Variants in SGCD observed in about 807,000 individuals in gnomAD.
SGCD encodes delta-sarcoglycan.
SGCD carries 18 observed loss-of-function variants against 36.6 expected under a neutral mutation model. The ratio of observed to expected loss-of-function variants is 0.49; its 90% CI spans 0.34 to 0.73. The LOEUF (loss-of-function observed/expected upper bound fraction) is 0.73, where lower values mean the gene tolerates loss of function less well. Among genes scored for constraint, SGCD ranks in the 30% least tolerant of loss-of-function variants. The pLI, the probability that SGCD is intolerant of heterozygous loss-of-function variation, is 0.01. For synonymous variants in SGCD, 133 were observed against 130.6 expected (o/e 1.02, Z -0.12); for missense variants, 387 against 346.7 (o/e 1.12, Z -0.92).
chr5:155,836,148 T>C, the SGCD span, among the ~76,000 whole-genome samples: 9 of 152,290 alleles, frequency 5.9e-5, no homozygotes, highest in Admixed American at 3.9e-4. Context: ...CTTATTTAAA[T>C]ACTGGGAATT....
At position 156,059,482 on chromosome 5, in the gene SGCD, G is replaced by C. The variant is rs1248133491; in HGVS notation, c.-281-58396G>C. Among the ~76,000 whole-genome samples, 4 of 146,532 alleles carry C rather than the reference G, an allele frequency of 2.7e-5. 1 individual carries two copies. The highest frequency in any genetic ancestry group is 4.6e-5 in the Non-Finnish European group (3 of 64,970). On this transcript the variant is annotated intron_variant, in intron 1 of 9. Transcript: ENST00000517913. ...AAATCCAAGATTGCAACACATATAA[G>C]ACTCTGTGAGGTTGGAGTGGCAGCT... is the stretch of plus-strand genomic sequence containing the variant.
chr5:155,883,166 A>G (rs244983), intron 1 of SGCD, among the ~76,000 whole-genome samples: 87,123 of 152,106 alleles, frequency 0.57, 27,584 homozygotes, highest in African/African-American at 0.85. Context: ...CTCTGGGTTA[A>G]GCTTTGGCTC....
At chr5:156,586,569 A>G (rs988570832) in intron 4 of SGCD, among the ~76,000 whole-genome samples, 2 of 152,072 alleles carry the variant, frequency 1.3e-5, no homozygotes, top group South Asian at 2.1e-4. Flanking sequence ...TGACTATTCA[A>G]CCTCATTTAT....
intron 1 of SGCD, among the ~76,000 whole-genome samples, chr5:156,090,383 C>A (rs1761210932): frequency 6.6e-6 from 1 of 152,130 alleles, no homozygotes; most frequent in Non-Finnish European, 1.5e-5. Flanking sequence ...GCTGGGCCTC[C>A]AGGGGTGCCA....
chr5:155,889,037 A>G (rs1324757817), intron 1 of SGCD, among the ~76,000 whole-genome samples: 1 of 152,204 alleles, frequency 6.6e-6, no homozygotes, highest in Non-Finnish European at 1.5e-5. Context: ...CACTGTATTT[A>G]TATATTTGTA....
At chr5:156,377,289 T>A (rs1379670786) in intron 3 of SGCD, among the ~76,000 whole-genome samples, 1 of 152,178 alleles carries the variant, frequency 6.6e-6, no homozygotes, top group Non-Finnish European at 1.5e-5. Flanking sequence ...TTAATATTGG[T>A]TGTTTACACT....
At chr5:156,239,399 C>CAAAA (rs34839655) in intron 3 of SGCD, among the ~76,000 whole-genome samples, 15,870 of 72,342 alleles carry the variant, frequency 0.22, 1,695 homozygotes, top group Non-Finnish European at 0.26. Context: ...GATTTCATCT[C>CAAAA]AAAAAAAAAA....
chr5:156,260,287 C>T (rs895927198), intron 3 of SGCD, among the ~76,000 whole-genome samples: 3 of 152,030 alleles, frequency 2.0e-5, no homozygotes, highest in African/African-American at 7.2e-5. Context: ...TCTTAAGTAG[C>T]CTTTAGAAAT....
At chr5:156,085,087 G>T (rs1761060203) in intron 1 of SGCD, among the ~76,000 whole-genome samples, 1 of 147,204 alleles carries the variant, frequency 6.8e-6, no homozygotes, top group African/African-American at 2.6e-5. Flanking sequence ...TATTGTTGGA[G>T]TTGGTTTACT....
At chr5:155,923,760 T>C (rs572227683) in intron 1 of SGCD, among the ~76,000 whole-genome samples, 2 of 152,368 alleles carry the variant, frequency 1.3e-5, no homozygotes, top group Admixed American at 1.3e-4. Context: ...TGCCTTTTAA[T>C]GAACATTTTG....
At chr5:156,685,208 C>T (rs1003352619) in intron 7 of SGCD, among the ~76,000 whole-genome samples, 7 of 151,918 alleles carry the variant, frequency 4.6e-5, no homozygotes, top group Non-Finnish European at 8.8e-5. Context: ...AGGGGAGATG[C>T]GTCGCAGGGT....
chr5:155,821,470 C>T, the SGCD span, among the ~76,000 whole-genome samples: 19 of 152,210 alleles, frequency 1.2e-4, no homozygotes, highest in Middle Eastern at 3.4e-3. Context: ...CCCACCACCA[C>T]GCCCGGCTAA....
intron 7 of SGCD, among the ~76,000 whole-genome samples, chr5:156,736,369 T>C (rs1756365248): frequency 2.0e-5 from 3 of 152,214 alleles, no homozygotes. Context: ...ACCCAAAGAT[T>C]TGGATACAAA....
At chr5:156,131,872 G>A (rs542231665) in intron 3 of SGCD, among the ~76,000 whole-genome samples, 22 of 152,100 alleles carry the variant, frequency 1.4e-4, no homozygotes, top group Non-Finnish European at 2.6e-4. Flanking sequence ...GAATTCCTCC[G>A]TGCACCTCCA....
chr5:155,771,140 C>A, the SGCD span, among the ~76,000 whole-genome samples: 1 of 152,152 alleles, frequency 6.6e-6, no homozygotes. Context: ...CCCAGAGAGT[C>A]TAAGTCCCTT....
intron 1 of SGCD, among the ~76,000 whole-genome samples, chr5:156,085,411 T>C (rs1265808322): frequency 6.6e-6 from 1 of 152,058 alleles, no homozygotes; most frequent in Non-Finnish European, 1.5e-5. Flanking sequence ...CTCTCCCCAC[T>C]CCCCTCTCCC....
intron 1 of SGCD, among the ~76,000 whole-genome samples, chr5:155,874,704 A>G (rs1755729926): frequency 6.6e-6 from 1 of 152,100 alleles, no homozygotes; most frequent in Admixed American, 6.6e-5. Context: ...TTAAACCACA[A>G]GGAGATACCA....
chr5:156,752,657 G>C (rs1206187579), intron 7 of SGCD, among the ~76,000 whole-genome samples: 1 of 152,172 alleles, frequency 6.6e-6, no homozygotes, highest in Non-Finnish European at 1.5e-5. Flanking sequence ...GCCTCCCAAA[G>C]TGCTGGGATT....
chr5:156,216,845 G>A (rs1198853335), intron 3 of SGCD, among the ~76,000 whole-genome samples: 2 of 152,320 alleles, frequency 1.3e-5, no homozygotes, highest in African/African-American at 2.4e-5. Context: ...TAGAGAGGCC[G>A]AGGTGGGCAG....
Sources: allele counts gnomAD v4.1 joint callset (sites outside exome capture counted in the v4.1 genomes callset), GRCh38; gene constraint gnomAD v4.1.1; transcripts MANE v1.5; gene names NCBI Gene and HGNC (gene_info 2026-07-23, HGNC 2026-07-21).